Variants in TAFA2 observed in about 807,000 individuals in gnomAD.
TAFA2 encodes the protein chemokine-like protein TAFA-2.
A neutral mutation model predicts 18.8 loss-of-function variants in TAFA2; 7 were observed. The ratio of observed to expected loss-of-function variants is 0.37; its 90% confidence interval spans 0.21 to 0.70. The LOEUF is 0.70. Ranked by LOEUF, TAFA2 falls within the 30% of genes least tolerant of loss-of-function variation. The probability of loss-of-function intolerance (pLI) is 0.53; values close to 1 mark genes in which losing one functional copy is unlikely to be tolerated. For synonymous variants in TAFA2, 60 were observed against 54.2 expected (o/e 1.11, Z -0.47); for missense variants, 122 against 158.1 (o/e 0.77, Z 1.23).
chr12:61,856,582 C>T (rs184354060), intron 2 of TAFA2, among the ~76,000 whole-genome samples: 1 of 152,046 alleles, frequency 6.6e-6, no homozygotes, highest in East Asian at 1.9e-4. Flanking sequence ...AAAATGCATA[C>T]ATTTTAACAT....
chr12:61,834,728 G>C (rs1466011955), intron 2 of TAFA2, among the ~76,000 whole-genome samples: 1 of 151,868 alleles, frequency 6.6e-6, no homozygotes, highest in Non-Finnish European at 1.5e-5. Context: ...AAAACTGTAA[G>C]ACATATCTAG....
At chr12:61,735,476 A>G (rs11174148) in intron 4 of TAFA2, among the ~76,000 whole-genome samples, 52,826 of 151,888 alleles carry the variant, frequency 0.35, 9,203 homozygotes, top group South Asian at 0.38. Context: ...CATAAAGATC[A>G]ATTCAGGGTG....
At chr12:61,773,442 T>C (rs1357550910) in intron 2 of TAFA2, among the ~76,000 whole-genome samples, 3 of 151,634 alleles carry the variant, frequency 2.0e-5, no homozygotes, top group South Asian at 2.1e-4. Context: ...CATCATATTA[T>C]CCAACTTCAA....
At chr12:62,175,839 A>C (rs1476213715) in intron 1 of TAFA2, among the ~76,000 whole-genome samples, 1 of 150,802 alleles carries the variant, frequency 6.6e-6, no homozygotes, top group East Asian at 1.9e-4. Flanking sequence ...GAGACCAAGA[A>C]AGTGAATTAA....
At chr12:62,070,019 A>G (rs1882587596) in intron 1 of TAFA2, among the ~76,000 whole-genome samples, 1 of 152,174 alleles carries the variant, frequency 6.6e-6, no homozygotes, top group Non-Finnish European at 1.5e-5. Context: ...CCATTCATTC[A>G]TTCCTCCCAG....
At chr12:62,171,119 C>T (rs1215946304) in intron 1 of TAFA2, among the ~76,000 whole-genome samples, 2 of 151,918 alleles carry the variant, frequency 1.3e-5, no homozygotes, top group Non-Finnish European at 2.9e-5. Flanking sequence ...CAATTATACC[C>T]TTGTTGTTAT....
At position 61,874,193 on chromosome 12, in the gene TAFA2, T is replaced by G. The variant is rs148718763; in HGVS notation, c.-1-6767A>C. 9.5e-3 allele frequency among the ~76,000 whole-genome samples: 1,448 copies of G among 152,246 alleles called. 11 individuals are homozygous for G. The highest frequency in any genetic ancestry group is 0.031 in the Middle Eastern group (9 of 294). On this transcript the variant is annotated intron_variant, in intron 1 of 4. Transcript: ENST00000416284. ...TATATTGTAAGTTATAATCAAAAAT[T>G]TATAGAGTTGTATTTTTACAAGCTA...
intron 2 of TAFA2, among the ~76,000 whole-genome samples, chr12:61,854,274 T>G (rs1016966905): frequency 6.6e-6 from 1 of 152,004 alleles, no homozygotes; most frequent in Non-Finnish European, 1.5e-5. Flanking sequence ...ATACAAAATT[T>G]CACACAGGTT....
intron 1 of TAFA2, among the ~76,000 whole-genome samples, chr12:61,899,039 GC>G (rs1875980639): frequency 6.6e-6 from 1 of 152,160 alleles, no homozygotes; most frequent in Non-Finnish European, 1.5e-5. Flanking sequence ...CTAAAGCATA[GC>G]AAGAGTCACC....
intron 1 of TAFA2, among the ~76,000 whole-genome samples, chr12:61,983,680 T>C (rs2136679876): frequency 6.6e-6 from 1 of 152,234 alleles, no homozygotes; most frequent in South Asian, 2.1e-4. Context: ...TCCCTGGCAT[T>C]ATTAATCAGT....
At chr12:61,787,126 C>G (rs552514723) in intron 2 of TAFA2, among the ~76,000 whole-genome samples, 7 of 151,340 alleles carry the variant, frequency 4.6e-5, no homozygotes, top group Non-Finnish European at 7.4e-5. Flanking sequence ...CAACTATAAA[C>G]CTTGCAGGTC....
intron 2 of TAFA2, among the ~76,000 whole-genome samples, chr12:61,805,549 A>T (rs932439142): frequency 2.0e-5 from 3 of 152,152 alleles, no homozygotes; most frequent in Admixed American, 6.5e-5. Context: ...AACTCTGGTA[A>T]CACTAATTAA....
At position 62,084,103 on chromosome 12, in the gene TAFA2, T is replaced by C. The variant is rs75572932; in HGVS notation, c.-2+107156A>G. On this transcript the variant is annotated intron_variant, in intron 1 of 4. Coordinates refer to ENST00000416284, the MANE Select transcript of TAFA2 (RefSeq NM_178539.5). ...AAAGCCAACCTTTCATCAAAATCTG[T>C]AATAGGTAAGCAAAGAGAAACAAAA... Among the ~76,000 whole-genome samples the C allele has an allele frequency of 3.4e-3, 516 of 152,310 alleles. 4 individuals carry two copies. Among genetic ancestry groups the C allele is most frequent in the African/African-American group, 0.012 (490 of 41,574 alleles).
chr12:61,934,496 A>T (rs1304283298), intron 1 of TAFA2, among the ~76,000 whole-genome samples: 1 of 152,258 alleles, frequency 6.6e-6, no homozygotes, highest in Admixed American at 6.5e-5. Flanking sequence ...CATCAACTGA[A>T]ATCAAGATAA....
intron 1 of TAFA2, chr12:62,235,561 AACCC>A (rs2062833145): frequency 5.6e-6 from 2 of 357,828 alleles, no homozygotes; most frequent in Admixed American, 4.7e-5. Context: ...GACAGGGAGC[AACCC>A]ACCACGGCAT....
intron 1 of TAFA2, among the ~76,000 whole-genome samples, chr12:62,148,609 G>A (rs1030763138): frequency 6.6e-6 from 1 of 152,006 alleles, no homozygotes; most frequent in Admixed American, 6.6e-5. Flanking sequence ...TCACTACTTG[G>A]GCAACAGGAA....
chr12:61,965,109 C>T (rs1879023701), intron 1 of TAFA2, among the ~76,000 whole-genome samples: 2 of 151,908 alleles, frequency 1.3e-5, no homozygotes, highest in South Asian at 4.1e-4. Flanking sequence ...GTTTGTGACT[C>T]CTTAGAAATT....
chr12:62,150,591 A>G (rs2062321155), intron 1 of TAFA2, among the ~76,000 whole-genome samples: 1 of 152,150 alleles, frequency 6.6e-6, no homozygotes, highest in South Asian at 2.1e-4. Context: ...CATTGCCTTC[A>G]AAATAAAGTC....
intron 3 of TAFA2, 40 bp downstream of exon 3, chr12:61,754,832 T>C: frequency 6.2e-7 from 1 of 1,605,756 alleles, no homozygotes; most frequent in Non-Finnish European, 8.5e-7. Context: ...TAAGCCATCC[T>C]TGGCTGTGCT....
Sources: allele counts gnomAD v4.1 joint callset (sites outside exome capture counted in the v4.1 genomes callset), GRCh38; gene constraint gnomAD v4.1.1; transcripts MANE v1.5; gene names NCBI Gene and HGNC (gene_info 2026-07-23, HGNC 2026-07-21).